The following ZMYND11 variants were observed in gnomAD, a reference collection of about 807,000 sequenced individuals.
ZMYND11 encodes the protein zinc finger MYND domain-containing protein 11.
In ZMYND11, 9 loss-of-function variants were observed where a neutral mutation model predicts 84.9. The ratio of observed to expected loss-of-function variants is 0.11; its 90% CI spans 0.06 to 0.18. The LOEUF (loss-of-function observed/expected upper bound fraction) is 0.18, where lower values mean the gene tolerates loss of function less well. Ranked by LOEUF, ZMYND11 falls within the 10% of genes least tolerant of loss-of-function variation. The probability of loss-of-function intolerance (pLI) is 1.00; values close to 1 mark genes in which losing one functional copy is unlikely to be tolerated. For synonymous variants in ZMYND11, 250 were observed against 244.1 expected (o/e 1.02, Z -0.23); for missense variants, 409 against 761.0 (o/e 0.54, Z 5.44).
chr10:190,157 G>C (rs181864985), intron 2 of ZMYND11, among the ~76,000 whole-genome samples: 1 of 152,138 alleles, frequency 6.6e-6, no homozygotes, highest in Non-Finnish European at 1.5e-5. Flanking sequence ...GGATTGACTC[G>C]AGTCTGTCTG....
chr10:137,447 C>G (rs1040168550), intron 1 of ZMYND11, among the ~76,000 whole-genome samples: 5 of 152,156 alleles, frequency 3.3e-5, no homozygotes, highest in African/African-American at 1.2e-4. Context: ...ATAATTTAAT[C>G]TGTTTGTCCA....
rs577385981 is a variant in ZMYND11 at position 202,610 on chromosome 10, G to A, written c.117-7279G>A. Among the ~76,000 whole-genome samples the A allele has an allele frequency of 2.0e-5, 3 of 152,146 alleles. No individual in the cohort carries two copies. In the South Asian group the frequency reaches 6.2e-4, roughly 32 times the overall value. On this transcript the variant is annotated intron_variant, in intron 2 of 14. Transcript: ENST00000381604. Reference sequence around the variant, plus strand: ...TATAGGAGGAAGCACTTAGTTTTGCGTTGTTGTCATTCGTGTGTGCTAGTT... The same window carrying A: ...TATAGGAGGAAGCACTTAGTTTTGCATTGTTGTCATTCGTGTGTGCTAGTT...
intron 3 of ZMYND11, among the ~76,000 whole-genome samples, chr10:210,390 A>C (rs1351433810): frequency 6.6e-6 from 1 of 152,254 alleles, no homozygotes; most frequent in Non-Finnish European, 1.5e-5. Flanking sequence ...TGTTGATGCC[A>C]TCTAGACAGA....
At chr10:136,121 G>A (rs889420691) in intron 1 of ZMYND11, among the ~76,000 whole-genome samples, 1 of 152,086 alleles carries the variant, frequency 6.6e-6, no homozygotes, top group Non-Finnish European at 1.5e-5. Flanking sequence ...AGCGACCCCG[G>A]CAGCGAGGCC....
intron 1 of ZMYND11, among the ~76,000 whole-genome samples, chr10:145,180 A>T (rs1554754926): frequency 6.6e-6 from 1 of 150,618 alleles, no homozygotes; most frequent in African/African-American, 2.4e-5. Context: ...ATATGTGTAT[A>T]TATGTGTATA....
At chr10:218,266 T>C (rs142245902) in intron 3 of ZMYND11, among the ~76,000 whole-genome samples, 1 of 152,354 alleles carries the variant, frequency 6.6e-6, no homozygotes, top group African/African-American at 2.4e-5. Flanking sequence ...GTTTGCATGC[T>C]TCTGTCTTTT....
chr10:152,927 A>G (rs993639289), intron 1 of ZMYND11, among the ~76,000 whole-genome samples: 4 of 152,246 alleles, frequency 2.6e-5, no homozygotes, highest in Non-Finnish European at 1.5e-5. Context: ...CCGCTCAACT[A>G]CATGGAAACT....
chr10:220,243 G>T (rs1946919231), intron 3 of ZMYND11, among the ~76,000 whole-genome samples: 1 of 152,118 alleles, frequency 6.6e-6, no homozygotes, highest in Non-Finnish European at 1.5e-5. Context: ...CCTACTGGAA[G>T]TGGCCCTGTT....
chr10:200,235 A>G (rs868273173), intron 2 of ZMYND11, among the ~76,000 whole-genome samples: 1 of 14,888 alleles, frequency 6.7e-5, no homozygotes, highest in African/African-American at 1.0e-4. Flanking sequence ...TATAATATAT[A>G]TAAAAATATA....
At chr10:185,449 C>T (rs1938005852) in intron 2 of ZMYND11, among the ~76,000 whole-genome samples, 1 of 145,152 alleles carries the variant, frequency 6.9e-6, no homozygotes, top group African/African-American at 2.6e-5. Context: ...AACTATGTTA[C>T]CGTCATAATC....
chr10:248,237 A>C, intron 12 of ZMYND11, 99 bp from the exon 13 acceptor site: 1 of 1,433,362 alleles, frequency 7.0e-7, no homozygotes, highest in Non-Finnish European at 9.5e-7. Flanking sequence ...TTCTATGGCT[A>C]TTATGTATAT....
intron 2 of ZMYND11, among the ~76,000 whole-genome samples, chr10:194,121 A>G (rs1941145329): frequency 1.3e-5 from 2 of 152,082 alleles, no homozygotes. Flanking sequence ...AGTAGCTGGG[A>G]CTACAAGTGG....
intron 2 of ZMYND11, among the ~76,000 whole-genome samples, chr10:194,303 A>G (rs1941213636): frequency 1.3e-5 from 2 of 151,868 alleles, no homozygotes. Context: ...CAGACTACCC[A>G]CCTCAGCCTC....
intron 4 of ZMYND11, among the ~76,000 whole-genome samples, chr10:232,988 C>T (rs1949262887): frequency 6.6e-6 from 1 of 152,222 alleles, no homozygotes; most frequent in South Asian, 2.1e-4. Flanking sequence ...CACCACTTTA[C>T]ATCTTGTCAG....
chr10:185,266 G>A lies in ZMYND11; in HGVS notation c.116+5138G>A, dbSNP rs80049515. 1.2e-4 allele frequency among the ~76,000 whole-genome samples: 19 copies of A among 152,038 alleles called. No individual in the cohort carries two copies. The East Asian group carries it at 2.9e-3, about 23-fold the overall frequency. ...CCTCTCTGTCTTCTGTAAGGGTCTC[G>A]ATACCAATCAGGATTGTAGCTCTCA... On this transcript the variant is annotated intron_variant, in intron 2 of 14. Coordinates refer to ENST00000381604, the MANE Select transcript of ZMYND11 (RefSeq NM_001370100.5).
Position 240,041 on chromosome 10 carries a change from TA to T in ZMYND11, c.698-14del. The T allele has an allele frequency of 6.2e-7, 1 of 1,606,000 alleles. No homozygotes were observed. The highest frequency in any genetic ancestry group is 8.5e-7 in the Non-Finnish European group (1 of 1,175,446). On this transcript the variant is annotated splice_polypyrimidine_tract_variant and intron_variant, in intron 7 of 14. Transcript: ENST00000381604. ...CAGACTATTGCTTATAGGTAATATC[TA>T]TTTTTAATTACAGCAGACAGTGAGC... is the stretch of plus-strand genomic sequence containing the variant.
chr10:235,664 A>T (rs987229188), intron 4 of ZMYND11, among the ~76,000 whole-genome samples: 9 of 152,220 alleles, frequency 5.9e-5, no homozygotes, highest in Admixed American at 3.3e-4. Flanking sequence ...GTTGAGAAGA[A>T]CTGCTCTGTA....
intron 4 of ZMYND11, among the ~76,000 whole-genome samples, chr10:228,333 T>C (rs1948464609): frequency 6.6e-6 from 1 of 152,154 alleles, no homozygotes; most frequent in African/African-American, 2.4e-5. Context: ...GTTTTGGTGG[T>C]TTGTTTAGAA....
chr10:244,468 A>C (rs570959073), intron 10 of ZMYND11: 8 of 152,372 alleles, frequency 5.3e-5, no homozygotes, highest in African/African-American at 1.9e-4. Flanking sequence ...GAGCTGCTTT[A>C]GTGAGCTTTT....
Sources: allele counts gnomAD v4.1 joint callset (sites outside exome capture counted in the v4.1 genomes callset), GRCh38; gene constraint gnomAD v4.1.1; transcripts MANE v1.5; gene names NCBI Gene and HGNC (gene_info 2026-07-23, HGNC 2026-07-21).